Variants in CNTN4 observed in about 807,000 individuals in gnomAD.
CNTN4 encodes contactin 4, also known as contactin-4.
CNTN4 carries 77 observed loss-of-function variants against 122.5 expected under a neutral mutation model. The ratio of observed to expected loss-of-function variants is 0.63; its 90% CI spans 0.52 to 0.76. The LOEUF (loss-of-function observed/expected upper bound fraction) is 0.76. Ranked by LOEUF, CNTN4 falls within the 30% of genes least tolerant of loss-of-function variation. The pLI is 0.00. For synonymous variants in CNTN4, 512 were observed against 447.0 expected (o/e 1.15, Z -1.83); for missense variants, 1,256 against 1,259.1 (o/e 1.00, Z 0.04).
At chr3:2,134,566 C>T (rs1368742693) in intron 2 of CNTN4, among the ~76,000 whole-genome samples, 1 of 152,158 alleles carries the variant, frequency 6.6e-6, no homozygotes, top group African/African-American at 2.4e-5. Context: ...ATGGTGTCTC[C>T]AGCCAAGCTG....
chr3:2,131,532 C>T (rs1252495853), intron 2 of CNTN4, among the ~76,000 whole-genome samples: 1 of 152,080 alleles, frequency 6.6e-6, no homozygotes, highest in African/African-American at 2.4e-5. Flanking sequence ...GCTTGTGTTG[C>T]TGTTAGCTAG....
At chr3:2,948,388 G>A (rs951774813) in intron 13 of CNTN4, among the ~76,000 whole-genome samples, 1 of 152,178 alleles carries the variant, frequency 6.6e-6, no homozygotes, top group Non-Finnish European at 1.5e-5. Context: ...CTGGGTAGGA[G>A]TGCTTCGTAC....
intron 4 of CNTN4, among the ~76,000 whole-genome samples, chr3:2,595,353 C>T (rs1449573059): frequency 1.3e-5 from 2 of 152,150 alleles, no homozygotes; most frequent in South Asian, 2.1e-4. Context: ...AGGAAAAATT[C>T]CACAATGTCA....
intron 2 of CNTN4, among the ~76,000 whole-genome samples, chr3:2,204,269 A>C (rs886727673): frequency 6.6e-6 from 1 of 152,192 alleles, no homozygotes; most frequent in Admixed American, 6.6e-5. Context: ...AGAATTGCAT[A>C]CATCTTTTTA....
At chr3:3,044,198 T>A (rs891003183) in intron 23 of CNTN4, among the ~76,000 whole-genome samples, 4 of 152,182 alleles carry the variant, frequency 2.6e-5, no homozygotes, top group African/African-American at 9.7e-5. Flanking sequence ...TGTTGGCTTG[T>A]CTTTAATGAG....
intron 7 of CNTN4, among the ~76,000 whole-genome samples, chr3:2,859,324 G>A (rs992632430): frequency 4.6e-5 from 7 of 152,144 alleles, no homozygotes; most frequent in Non-Finnish European, 1.0e-4. Flanking sequence ...ACACTTAGTT[G>A]ATTCCATATC....
chr3:2,532,816 C>T (rs752510638), intron 3 of CNTN4, among the ~76,000 whole-genome samples: 29 of 152,086 alleles, frequency 1.9e-4, no homozygotes, highest in Non-Finnish European at 3.5e-4. Context: ...GTCATATCTT[C>T]CCTGAAGTTT....
At chr3:2,410,521 C>G (rs1008063744) in intron 3 of CNTN4, among the ~76,000 whole-genome samples, 6 of 152,296 alleles carry the variant, frequency 3.9e-5, no homozygotes, top group African/African-American at 1.2e-4. Flanking sequence ...TTTATCCTCT[C>G]AGAGGATATT....
chr3:3,042,272 G>A lies in CNTN4; in HGVS notation c.2399-38G>A, dbSNP rs1316645210. ...GTATCTACAATCCTGTCCTAATATA[G>A]CTGATAGAGTAATAACTATCTCCAT... is the stretch of plus-strand genomic sequence containing the variant. On this transcript the variant is annotated intron_variant, in intron 20 of 24. Coordinates refer to ENST00000418658, the MANE Select transcript of CNTN4 (RefSeq NM_175607.3). 3.0e-6 allele frequency: 4 copies of A among 1,351,738 alleles called. No individual in the cohort carries two copies. In the South Asian group the frequency reaches 4.7e-5, roughly 16 times the overall value. 83.7% of individuals were successfully genotyped at this position (1,351,738 alleles called of 1,614,324 possible).
intron 2 of CNTN4, among the ~76,000 whole-genome samples, chr3:2,337,163 C>G (rs1249910116): frequency 6.6e-6 from 1 of 152,106 alleles, no homozygotes; most frequent in African/African-American, 2.4e-5. Context: ...TGGCATTGCT[C>G]TTTGCTCCGT....
At chr3:2,607,750 G>A (rs1051872357) in intron 4 of CNTN4, among the ~76,000 whole-genome samples, 3 of 151,960 alleles carry the variant, frequency 2.0e-5, no homozygotes, top group African/African-American at 7.2e-5. Context: ...CTTTTTAAAT[G>A]CTATGTTAAA....
chr3:2,576,050 T>C (rs1384861449), intron 4 of CNTN4, among the ~76,000 whole-genome samples: 1 of 152,100 alleles, frequency 6.6e-6, no homozygotes, highest in East Asian at 1.9e-4. Context: ...TTAGCCAGGA[T>C]GGTCTCGATC....
intron 3 of CNTN4, among the ~76,000 whole-genome samples, chr3:2,494,411 C>G (rs935503203): frequency 6.6e-6 from 1 of 152,132 alleles, no homozygotes; most frequent in Non-Finnish European, 1.5e-5. Context: ...AGTCCTTTGA[C>G]AGGGTTAAGC....
chr3:2,251,031 T>A (rs1372024367), intron 2 of CNTN4, among the ~76,000 whole-genome samples: 1 of 151,904 alleles, frequency 6.6e-6, no homozygotes, highest in Admixed American at 6.6e-5. Context: ...TATAGTGTCA[T>A]ATCTAAATAT....
At chr3:2,784,534 G>T (rs1465520508) in intron 6 of CNTN4, among the ~76,000 whole-genome samples, 1 of 152,262 alleles carries the variant, frequency 6.6e-6, no homozygotes, top group Admixed American at 6.5e-5. Flanking sequence ...ACCATACTCT[G>T]ATGCCTGTAA....
At chr3:2,129,102 T>C (rs1031193534) in intron 2 of CNTN4, among the ~76,000 whole-genome samples, 13 of 152,130 alleles carry the variant, frequency 8.5e-5, no homozygotes, top group Admixed American at 6.6e-5. Flanking sequence ...CCAAATCAAC[T>C]ATTTAGGAAA....
In CNTN4 at chr3:2,952,519, G is replaced by C. The variant is rs572887042; in HGVS notation, c.1358+26740G>C. On this transcript the variant is annotated intron_variant, in intron 13 of 24. Coordinates refer to ENST00000418658, the MANE Select transcript of CNTN4 (RefSeq NM_175607.3). Reference sequence around the variant, plus strand: ...GAGTTTTTGTTACATGCATTTTTAGGTCTATGTGCATTTTTTCAAAATGAA... The same window carrying C: ...GAGTTTTTGTTACATGCATTTTTAGCTCTATGTGCATTTTTTCAAAATGAA... Among the ~76,000 whole-genome samples the C allele has an allele frequency of 2.0e-5, 3 of 152,112 alleles. No individual in the cohort carries two copies. In the South Asian group the frequency reaches 6.2e-4, roughly 32 times the overall value.
chr3:2,671,817 G>T, intron 4 of CNTN4, among the ~76,000 whole-genome samples: 1 of 152,216 alleles, frequency 6.6e-6, no homozygotes, highest in East Asian at 1.9e-4. Context: ...CCTCCTAACA[G>T]CAAGGACCCT....
chr3:2,881,443 G>A (rs2093908602), intron 8 of CNTN4, among the ~76,000 whole-genome samples: 1 of 151,914 alleles, frequency 6.6e-6, no homozygotes. Context: ...AACCCGGGAG[G>A]CGGAGGTTGC....
Sources: allele counts gnomAD v4.1 joint callset (sites outside exome capture counted in the v4.1 genomes callset), GRCh38; gene constraint gnomAD v4.1.1; transcripts MANE v1.5; gene names NCBI Gene and HGNC (gene_info 2026-07-23, HGNC 2026-07-21).